The following PCDH15 variants were observed in gnomAD, a reference collection of about 807,000 sequenced individuals.
PCDH15 encodes protocadherin related 15.
PCDH15 carries 129 observed loss-of-function variants against 178.5 expected under a neutral mutation model. The ratio of observed to expected loss-of-function variants is 0.72; its 90% confidence interval spans 0.63 to 0.84. PCDH15 has a LOEUF of 0.84. PCDH15 is among the 40% of genes least tolerant of loss of function. The pLI is 0.00. For synonymous variants in PCDH15, 800 were observed against 732.0 expected (o/e 1.09, Z -1.50); for missense variants, 2,230 against 2,099.9 (o/e 1.06, Z -1.21).
At chr10:54,421,662 G>A (rs1342342491) in intron 3 of PCDH15, among the ~76,000 whole-genome samples, 18 of 70,952 alleles carry the variant, frequency 2.5e-4, no homozygotes, top group African/African-American at 1.2e-3. Context: ...CATGTGTAGT[G>A]TATATATACA....
rs79536152 is a variant in PCDH15 at position 54,151,706 on chromosome 10, T to C, written c.1784+1394A>G. 7.0e-4 allele frequency among the ~76,000 whole-genome samples: 106 copies of C among 152,222 alleles called. 1 individual carries two copies. The East Asian group carries it at 0.018, about 25-fold the overall frequency. The stretch of plus-strand genomic sequence containing the variant: ...AATGCAAATGCAAAATGTTCTTGGA[T>C]AGAAAGATTCAACATCAAACATATA... On this transcript the variant is annotated intron_variant, in intron 14 of 37. Coordinates refer to ENST00000644397, the MANE Select transcript of PCDH15 (RefSeq NM_001384140.1).
chr10:54,099,739 G>A (rs1034099519), intron 15 of PCDH15, among the ~76,000 whole-genome samples: 2 of 151,710 alleles, frequency 1.3e-5, no homozygotes, highest in African/African-American at 4.8e-5. Context: ...TGCTAGAAAT[G>A]AGAAATAATA....
intron 18 of PCDH15, among the ~76,000 whole-genome samples, chr10:54,061,308 A>G (rs2094008280): frequency 6.6e-6 from 1 of 152,080 alleles, no homozygotes; most frequent in Non-Finnish European, 1.5e-5. Flanking sequence ...CCTGTGAAAT[A>G]CTCTCAAGGA....
intron 2 of PCDH15, among the ~76,000 whole-genome samples, chr10:54,958,570 G>T (rs1351586662): frequency 2.0e-5 from 3 of 151,650 alleles, no homozygotes; most frequent in Non-Finnish European, 3.0e-5. Context: ...ACAAACAATA[G>T]TAAGATTAGA....
chr10:53,962,606 A>G (rs891628832), intron 21 of PCDH15, among the ~76,000 whole-genome samples: 1 of 152,180 alleles, frequency 6.6e-6, no homozygotes, highest in Non-Finnish European at 1.5e-5. Flanking sequence ...CACATTAAAG[A>G]TGATGTATGT....
chr10:54,457,820 C>G (rs1367411794), intron 3 of PCDH15, among the ~76,000 whole-genome samples: 1 of 152,040 alleles, frequency 6.6e-6, no homozygotes, highest in East Asian at 1.9e-4. Flanking sequence ...AGTTCTCAAA[C>G]AGTCTACAAT....
chr10:54,950,012 C>A (rs1838296341), intron 2 of PCDH15, among the ~76,000 whole-genome samples: 1 of 152,020 alleles, frequency 6.6e-6, no homozygotes, highest in Non-Finnish European at 1.5e-5. Context: ...ACTGTTCCAA[C>A]CTCTGCCTCT....
At chr10:54,195,994 C>T (rs1265932044) in intron 10 of PCDH15, 105 bp from the exon 11 acceptor site, 14 of 982,072 alleles carry the variant, frequency 1.4e-5, no homozygotes, top group Non-Finnish European at 2.1e-5. Context: ...TAACTAATAT[C>T]ATCACATAAG....
rs190743998 is a variant in PCDH15 at position 54,286,598 on chromosome 10, T to G, written c.876+30673A>C. On this transcript the variant is annotated intron_variant, in intron 8 of 37. Transcript: ENST00000644397. ...ATGTTTTTGTTTTTGTTTTGTACGTTCAATCCTCTGAAAAACATGACTCTT... is the reference window on the plus strand; with the variant it reads ...ATGTTTTTGTTTTTGTTTTGTACGTGCAATCCTCTGAAAAACATGACTCTT... Among the ~76,000 whole-genome samples, 637 of 152,304 alleles carry G rather than the reference T, an allele frequency of 4.2e-3. 7 individuals carry two copies. Among genetic ancestry groups the G allele is most frequent in the African/African-American group, 0.013 (523 of 41,582 alleles).
chr10:54,358,366 C>T (rs1267662965), intron 5 of PCDH15, among the ~76,000 whole-genome samples: 1 of 151,922 alleles, frequency 6.6e-6, no homozygotes, highest in African/African-American at 2.4e-5. Flanking sequence ...TGAACAGACA[C>T]TTCTCAAAAG....
At chr10:53,917,289 G>T (rs1160092636) in intron 25 of PCDH15, among the ~76,000 whole-genome samples, 1 of 151,976 alleles carries the variant, frequency 6.6e-6, no homozygotes, top group East Asian at 1.9e-4. Context: ...AGGAATTATT[G>T]TACACTGAAT....
intron 2 of PCDH15, among the ~76,000 whole-genome samples, chr10:54,577,928 C>T (rs1247985419): frequency 1.3e-5 from 2 of 151,882 alleles, no homozygotes; most frequent in Admixed American, 1.3e-4. Flanking sequence ...GGCAGTTCCC[C>T]TTATCCCTGA....
At chr10:54,542,071 T>C (rs1273248559) in intron 2 of PCDH15, among the ~76,000 whole-genome samples, 1 of 152,240 alleles carries the variant, frequency 6.6e-6, no homozygotes, top group African/African-American at 2.4e-5. Context: ...CATATCCATG[T>C]AAATATGTCC....
At chr10:54,358,597 G>C (rs1454275873) in intron 5 of PCDH15, among the ~76,000 whole-genome samples, 1 of 151,178 alleles carries the variant, frequency 6.6e-6, no homozygotes, top group Non-Finnish European at 1.5e-5. Context: ...GTGGAAGTCA[G>C]TGTGGCGATT....
chr10:53,839,782 T>A (rs2077530281), intron 29 of PCDH15, among the ~76,000 whole-genome samples: 2 of 152,116 alleles, frequency 1.3e-5, no homozygotes, highest in Admixed American at 1.3e-4. Context: ...GATTTATAAC[T>A]CAAATTTTTA....
chr10:55,525,971 A>G (rs989446195), intron 2 of PCDH15, among the ~76,000 whole-genome samples: 2 of 151,936 alleles, frequency 1.3e-5, no homozygotes, highest in African/African-American at 4.8e-5. Flanking sequence ...TATTTCATGA[A>G]AATGAGTCAT....
intron 2 of PCDH15, among the ~76,000 whole-genome samples, chr10:55,122,687 C>A (rs879423735): frequency 2.6e-5 from 4 of 152,130 alleles, no homozygotes; most frequent in Admixed American, 1.3e-4. Flanking sequence ...TAAAATTATC[C>A]ATGAACAAGT....
intron 11 of PCDH15, among the ~76,000 whole-genome samples, chr10:54,194,012 TA>T (rs1367243741): frequency 1.4e-5 from 2 of 145,898 alleles, no homozygotes; most frequent in East Asian, 3.9e-4. Flanking sequence ...CAGATATTGT[TA>T]AAACTTGTGG....
chr10:55,132,050 A>C (rs1020443370), intron 2 of PCDH15, among the ~76,000 whole-genome samples: 3 of 152,090 alleles, frequency 2.0e-5, no homozygotes, highest in Non-Finnish European at 2.9e-5. Context: ...AGCTGTACCC[A>C]GAAGGGCAAG....
Sources: gnomAD v4.1 joint callset for allele counts (sites outside exome capture counted in the v4.1 genomes callset) on GRCh38, gnomAD v4.1.1 for gene constraint, MANE v1.5 for transcripts, NCBI Gene and HGNC (gene_info 2026-07-23, HGNC 2026-07-21) for gene names.